Variants in CASZ1 observed in about 807,000 individuals in gnomAD.
CASZ1 encodes castor zinc finger 1.
A neutral mutation model predicts 135.2 loss-of-function variants in CASZ1; 28 were observed. That is an observed-to-expected ratio of 0.21 (90% CI 0.15 to 0.28). The LOEUF is 0.28. CASZ1 is among the 10% of genes least tolerant of loss of function. The pLI is 1.00. For missense variants in CASZ1, 2,161 were observed against 2,453.3 expected, an observed-to-expected ratio of 0.88 and a Z score of 2.52; for synonymous variants, 1,068 against 1,073.4, an observed-to-expected ratio of 0.99 and a Z score of 0.10.
chr1:10,658,988 C>T (rs1470275182), intron 6 of CASZ1, among the ~76,000 whole-genome samples: 1 of 152,194 alleles, frequency 6.6e-6, no homozygotes, highest in Non-Finnish European at 1.5e-5. Flanking sequence ...CCCTGATCTG[C>T]TCCAAGGCAT....
In CASZ1 at chr1:10,754,112, C is replaced by G. The variant is rs190873719; in HGVS notation, c.-77+6589G>C. ...TCGATTAGGTTGGCTCACTCCCTCA[C>G]TTCCTTTCTGTCTTCACCCAAATGT... On this transcript the variant is annotated intron_variant, in intron 2 of 20. Transcript: ENST00000377022. Among the ~76,000 whole-genome samples the G allele has an allele frequency of 2.2e-4, 34 of 152,322 alleles. No individual in the cohort carries two copies. The East Asian group carries it at 6.6e-3, about 29-fold the overall frequency.
At chr1:10,667,512 G>A (rs1042286435) in intron 4 of CASZ1, among the ~76,000 whole-genome samples, 5 of 152,140 alleles carry the variant, frequency 3.3e-5, no homozygotes, top group African/African-American at 7.2e-5. Flanking sequence ...GTTCTGAGAC[G>A]GGGCCTCCTC....
chr1:10,715,948 C>G (rs1370100760), intron 2 of CASZ1, among the ~76,000 whole-genome samples: 1 of 142,586 alleles, frequency 7.0e-6, no homozygotes, highest in African/African-American at 2.7e-5. Flanking sequence ...AGCACCCAAT[C>G]CACACCCCAC....
At position 10,647,686 on chromosome 1, in the gene CASZ1, G is replaced by A; in HGVS notation, c.3497+115C>T. Reference sequence around the variant, plus strand: ...CACCCGATGGCCATGCCCCAGAGAGGCTGGGGACAGCAGCACCATCCGCAG... The same window carrying A: ...CACCCGATGGCCATGCCCCAGAGAGACTGGGGACAGCAGCACCATCCGCAG... On this transcript the variant is annotated intron_variant, in intron 16 of 20. Coordinates refer to ENST00000377022, the MANE Select transcript of CASZ1 (RefSeq NM_001079843.3). The surrounding 1 kb of genome is among the most constrained non-coding windows in gnomAD (Gnocchi z 4.9). 6.5e-7 allele frequency: 1 copy of A among 1,532,374 alleles called. No individual in the cohort carries two copies. Among genetic ancestry groups the A allele is most frequent in the Non-Finnish European group, 8.7e-7 (1 of 1,146,200 alleles). 94.9% of individuals were successfully genotyped at this position (1,532,374 alleles called of 1,614,324 possible). A position where few individuals can be genotyped will look rare whatever the true frequency, so the allele number is the denominator to read the frequency against.
chr1:10,686,573 TC>T (rs1415293516), intron 4 of CASZ1, among the ~76,000 whole-genome samples: 2 of 151,952 alleles, frequency 1.3e-5, no homozygotes, highest in Non-Finnish European at 1.5e-5. Flanking sequence ...CACCTGGGCT[TC>T]CCCCCAGGCC....
chr1:10,729,697 A>G (rs1000167134), intron 2 of CASZ1, among the ~76,000 whole-genome samples: 1 of 152,260 alleles, frequency 6.6e-6, no homozygotes, highest in Non-Finnish European at 1.5e-5. Context: ...GACAGCGCAA[A>G]GGCAGCGGGT....
chr1:10,683,691 C>T (rs1421446459), intron 4 of CASZ1, among the ~76,000 whole-genome samples: 8 of 152,194 alleles, frequency 5.3e-5, no homozygotes, highest in South Asian at 2.1e-4. Flanking sequence ...AGTCGGAGTG[C>T]GTTCCACCCA....
Position 10,777,747 on chromosome 1 carries a change from C to T in CASZ1, c.-233-16890G>A, listed in dbSNP as rs1298469259. Among the ~76,000 whole-genome samples the T allele has an allele frequency of 3.3e-5, 5 of 151,748 alleles. No homozygotes were observed. The highest frequency in any genetic ancestry group is 7.4e-5 in the Non-Finnish European group (5 of 67,944). ...AACCACATACCACGTTACAATCACA[C>T]ACAATCCCATACACACCCACTCACA... On this transcript the variant is annotated intron_variant, in intron 1 of 20. Transcript: ENST00000377022. This position sits in a 1 kb window ranked among gnomAD's most constrained non-coding sequence, Gnocchi z 4.4.
chr1:10,699,684 C>T lies in CASZ1; in HGVS notation c.-23-5772G>A, dbSNP rs2387232. Among the ~76,000 whole-genome samples, 9,746 of 152,170 alleles carry T rather than the reference C, an allele frequency of 0.064. 393 individuals carry two copies. Among genetic ancestry groups the T allele is most frequent in the East Asian group, 0.098 (506 of 5,182 alleles). On this transcript the variant is annotated intron_variant, in intron 3 of 20. Transcript: ENST00000377022. The surrounding 1 kb of genome is among the most constrained non-coding windows in gnomAD (Gnocchi z 4.6). ...TTCTTAATAAATATCCAAACTGGCC[C>T]GGCCGGATCCTCCACTTTGGAGGGA... is the stretch of plus-strand genomic sequence containing the variant.
chr1:10,686,131 G>T (rs532225843), intron 4 of CASZ1, among the ~76,000 whole-genome samples: 2 of 151,946 alleles, frequency 1.3e-5, no homozygotes, highest in African/African-American at 2.4e-5. Flanking sequence ...CAGCACGGGG[G>T]CCTGTGGGCG....
chr1:10,691,574 C>T (rs899086208), intron 4 of CASZ1, among the ~76,000 whole-genome samples: 10 of 152,252 alleles, frequency 6.6e-5, no homozygotes, highest in African/African-American at 2.4e-4. Flanking sequence ...TCGGCTGAAG[C>T]TGCCCACGCT....
chr1:10,702,645 G>C (rs764462026), intron 3 of CASZ1, among the ~76,000 whole-genome samples: 4 of 152,154 alleles, frequency 2.6e-5, no homozygotes, highest in Non-Finnish European at 4.4e-5. Flanking sequence ...GCTGGGAGGA[G>C]AGGGAGGCCA....
At chr1:10,736,929 G>C (rs1428937520) in intron 2 of CASZ1, among the ~76,000 whole-genome samples, 2 of 152,228 alleles carry the variant, frequency 1.3e-5, no homozygotes, top group African/African-American at 2.4e-5. Context: ...GGGCTGGGCT[G>C]AGTGCCCACT....
At chr1:10,672,849 C>T (rs376354390) in intron 4 of CASZ1, among the ~76,000 whole-genome samples, 9 of 152,358 alleles carry the variant, frequency 5.9e-5, no homozygotes, top group South Asian at 4.1e-4. Flanking sequence ...ACTTCGGCGA[C>T]GGTGGCGGCG....
rs896116798 is a variant in CASZ1 at position 10,755,251 on chromosome 1, G to A, written c.-77+5450C>T. Among the ~76,000 whole-genome samples the A allele has an allele frequency of 2.3e-4, 35 of 152,200 alleles. No individual in the cohort carries two copies. The highest frequency in any genetic ancestry group is 8.2e-4 in the African/African-American group (34 of 41,454). On this transcript the variant is annotated intron_variant, in intron 2 of 20. Coordinates refer to ENST00000377022, the MANE Select transcript of CASZ1 (RefSeq NM_001079843.3). This position sits in a 1 kb window ranked among gnomAD's most constrained non-coding sequence, Gnocchi z 4.3. ...CTTCACCTGGACCAGGCTTATCCCTGGGTAGATTCCAGAACAAAAGCACAT... is the reference window on the plus strand; with the variant it reads ...CTTCACCTGGACCAGGCTTATCCCTAGGTAGATTCCAGAACAAAAGCACAT...
At chr1:10,665,822 T>C (rs1643217511) in intron 4 of CASZ1, among the ~76,000 whole-genome samples, 1 of 151,674 alleles carries the variant, frequency 6.6e-6, no homozygotes, top group South Asian at 2.1e-4. Flanking sequence ...GTTCAAGAAC[T>C]AGTCTGTAAA....
Position 10,639,215 on chromosome 1 carries a change from T to TGCG in CASZ1, c.5004_5006dup (p.Ala1670dup), listed in dbSNP as rs769507455. 1.2e-4 allele frequency: 107 copies of TGCG among 899,224 alleles called. 1 individual carries two copies. The highest frequency in any genetic ancestry group is 2.8e-4 in the African/African-American group (15 of 54,152). 55.7% of individuals were successfully genotyped at this position (899,224 alleles called of 1,614,324 possible). On this transcript the variant is annotated inframe_insertion, in exon 21 of 21. Transcript: ENST00000377022. This position sits in a 1 kb window ranked among gnomAD's most constrained non-coding sequence, Gnocchi z 4.0. ...CGTCCTCCTGCGAGGACTCCCCAGCTGCGGCGGCGGCGGCGGCGGCGCCCT... is the reference window on the plus strand; with the variant it reads ...CGTCCTCCTGCGAGGACTCCCCAGCTGCGGCGGCGGCGGCGGCGGCGGCGCCCT...
rs1186330457 is a variant in CASZ1 at position 10,694,350 on chromosome 1, C to G, written c.-23-438G>C. ...ACTTAAATAATCAACTTTCATAATACTTAATTAATGCCTAATTGCAACTGA... is the reference window on the plus strand; with the variant it reads ...ACTTAAATAATCAACTTTCATAATAGTTAATTAATGCCTAATTGCAACTGA... On this transcript the variant is annotated intron_variant, in intron 3 of 20. Coordinates refer to ENST00000377022, the MANE Select transcript of CASZ1 (RefSeq NM_001079843.3). The surrounding 1 kb of genome is among the most constrained non-coding windows in gnomAD (Gnocchi z 6.6). 8.8e-7 allele frequency: 1 copy of G among 1,142,012 alleles called. No homozygotes were observed. Among genetic ancestry groups the G allele is most frequent in the African/African-American group, 1.7e-5 (1 of 60,382 alleles). 70.7% of individuals were successfully genotyped at this position (1,142,012 alleles called of 1,614,324 possible).
chr1:10,733,077 G>A (rs1239781113), intron 2 of CASZ1, among the ~76,000 whole-genome samples: 1 of 152,134 alleles, frequency 6.6e-6, no homozygotes, highest in African/African-American at 2.4e-5. Context: ...ATTTTCCAGG[G>A]AAACTTCAAA....
Sources: gnomAD v4.1 joint callset for allele counts (sites outside exome capture counted in the v4.1 genomes callset) on GRCh38, gnomAD v4.1.1 for gene constraint, Gnocchi (gnomAD v3.1) non-coding constraint, MANE v1.5 for transcripts, NCBI Gene and HGNC (gene_info 2026-07-23, HGNC 2026-07-21) for gene names.